PREX1: variants seen among roughly 807,000 people sequenced by gnomAD.
The protein encoded by PREX1 is phosphatidylinositol 3,4,5-trisphosphate-dependent Rac exchanger 1 protein.
A neutral mutation model predicts 198.3 loss-of-function variants in PREX1; 41 were observed. The ratio of observed to expected loss-of-function variants is 0.21; its 90% CI spans 0.16 to 0.27. PREX1 has a LOEUF of 0.27. Among genes scored for constraint, PREX1 ranks in the 10% least tolerant of loss-of-function variants. PREX1 has a pLI of 1.00. For missense variants in PREX1, 1,620 were observed against 2,200.7 expected (o/e 0.74, Z 5.28); for synonymous variants, 843 against 887.2 (o/e 0.95, Z 0.89).
chr20:48,714,702 T>G (rs1008252971), intron 5 of PREX1, among the ~76,000 whole-genome samples: 1 of 152,232 alleles, frequency 6.6e-6, no homozygotes, highest in Non-Finnish European at 1.5e-5. Context: ...AGTTGGGCAA[T>G]TCCCTTGAGA....
At chr20:48,847,684 T>C in the PREX1 span, among the ~76,000 whole-genome samples, 1 of 152,338 alleles carries the variant, frequency 6.6e-6, no homozygotes, top group East Asian at 1.9e-4. Flanking sequence ...AATGCACATG[T>C]CTGGAATATA....
At chr20:48,856,475 G>A in the PREX1 span, among the ~76,000 whole-genome samples, 1 of 152,158 alleles carries the variant, frequency 6.6e-6, no homozygotes, top group African/African-American at 2.4e-5. Flanking sequence ...CTCCTTCAAG[G>A]AATGGAAACA....
intron 9 of PREX1, among the ~76,000 whole-genome samples, 172 bp downstream of exon 9, chr20:48,690,775 A>C (rs2089814824): frequency 6.6e-6 from 1 of 152,130 alleles, no homozygotes; most frequent in Non-Finnish European, 1.5e-5. Context: ...TCTCTGAGGT[A>C]CCACCAAGTT....
intron 1 of PREX1, among the ~76,000 whole-genome samples, chr20:48,754,486 G>A (rs891091709): frequency 6.6e-6 from 1 of 152,098 alleles, no homozygotes; most frequent in Non-Finnish European, 1.5e-5. Flanking sequence ...CATGGCTGCT[G>A]TTGCCTGGGG....
chr20:48,826,959 GT>G (rs1265330720), intron 1 of PREX1, among the ~76,000 whole-genome samples: 4 of 152,360 alleles, frequency 2.6e-5, no homozygotes. Context: ...CATGTAAGGT[GT>G]CTGGCACATA....
chr20:48,693,668 A>G lies in PREX1; in HGVS notation c.918-878T>C, dbSNP rs189321916. Among the ~76,000 whole-genome samples, 697 of 152,246 alleles carry G rather than the reference A, an allele frequency of 4.6e-3. 6 individuals are homozygous for G. Among genetic ancestry groups the G allele is most frequent in the African/African-American group, 0.016 (677 of 41,540 alleles). ...GTCGCCCAGGCTGGAGTGCAGTGGC[A>G]TGATCTCAGCTCACTGCAACCTCCG... On this transcript the variant is annotated intron_variant, in intron 7 of 39. Coordinates refer to ENST00000371941, the MANE Select transcript of PREX1 (RefSeq NM_020820.4).
At chr20:48,631,144 C>G (rs765436725) in intron 35 of PREX1, among the ~76,000 whole-genome samples, 1 of 152,186 alleles carries the variant, frequency 6.6e-6, no homozygotes, top group Non-Finnish European at 1.5e-5. Context: ...GTTTACTGTT[C>G]GTCTCCCCCT....
chr20:48,757,250 C>T (rs2090159502), intron 1 of PREX1, among the ~76,000 whole-genome samples: 1 of 151,946 alleles, frequency 6.6e-6, no homozygotes, highest in Non-Finnish European at 1.5e-5. Context: ...CTGCCCTCCA[C>T]CTGCACTGAG....
chr20:48,653,069 C>T (rs955882881), intron 20 of PREX1, among the ~76,000 whole-genome samples: 5 of 152,198 alleles, frequency 3.3e-5, no homozygotes, highest in African/African-American at 4.8e-5. Context: ...CTTTCCCAAC[C>T]CACTTGACTA....
intron 1 of PREX1, among the ~76,000 whole-genome samples, chr20:48,791,393 G>A (rs552973823): frequency 4.6e-5 from 7 of 152,326 alleles, no homozygotes; most frequent in African/African-American, 1.4e-4. Context: ...ATTATTACCC[G>A]TTTCATAGCT....
At chr20:48,720,164 A>T (rs2089978929) in intron 5 of PREX1, among the ~76,000 whole-genome samples, 1 of 152,094 alleles carries the variant, frequency 6.6e-6, no homozygotes, top group Non-Finnish European at 1.5e-5. Context: ...TCTTTGCTCA[A>T]ATGTTTCCTT....
intron 1 of PREX1, among the ~76,000 whole-genome samples, chr20:48,796,094 T>C (rs1278218980): frequency 2.0e-5 from 3 of 152,168 alleles, no homozygotes; most frequent in African/African-American, 7.2e-5. Context: ...GCATTAATTT[T>C]CTACAAGAAG....
rs144218094 is a variant in PREX1 at position 48,653,408 on chromosome 20, C to T, written c.2299G>A (p.Val767Ile). 4.8e-4 allele frequency: 768 copies of T among 1,614,026 alleles called. No homozygotes were observed. The highest frequency in any genetic ancestry group is 6.0e-4 in the Non-Finnish European group (713 of 1,180,000). The part of the protein sequence containing the change: ...SNVMNDGAPE[V>I]LEHFQAFRSR... ...CGGAATGCCTGGAAGTGCTCCAGGA[C>T]CTCAGGGGCACCATCGTTCATCACG... The change falls in exon 20 of 40, where the codon GTC becomes ATC. Residue 767 changes from valine to isoleucine, a missense_variant. Physicochemically the swap from Val to Ile is conservative, Grantham distance 29. Coordinates refer to ENST00000371941, the MANE Select transcript of PREX1 (RefSeq NM_020820.4).
chr20:48,787,940 TCA>T (rs2090320717), intron 1 of PREX1, among the ~76,000 whole-genome samples: 1 of 152,106 alleles, frequency 6.6e-6, no homozygotes, highest in South Asian at 2.1e-4. Flanking sequence ...ATTAGGGAAG[TCA>T]CATATACACA....
Position 48,632,617 on chromosome 20 carries a change from A to G in PREX1, c.4290T>C (p.Ile1430=). ...CCTTCAGCGCCTGCCGGCTGCCCTC[A>G]ATGTGGTAGAAGACGTTGGTGTCTG... ...YVANTNVFYH[I]EGSRQALKVI... The change falls in exon 34 of 40, where the codon ATT becomes ATC. Residue 1430 remains isoleucine, a synonymous_variant. Transcript: ENST00000371941. 1 of 1,613,740 alleles carries G rather than the reference A, an allele frequency of 6.2e-7. No homozygotes were observed. The highest frequency in any genetic ancestry group is 8.5e-7 in the Non-Finnish European group (1 of 1,179,842).
At chr20:48,706,528 T>C (rs1269429432) in intron 6 of PREX1, among the ~76,000 whole-genome samples, 6 of 152,212 alleles carry the variant, frequency 3.9e-5, no homozygotes, top group Non-Finnish European at 7.4e-5. Context: ...ATGGGGCTTC[T>C]AGAAAAGGTT....
At chr20:48,801,227 G>C (rs2090385332) in intron 1 of PREX1, among the ~76,000 whole-genome samples, 1 of 152,200 alleles carries the variant, frequency 6.6e-6, no homozygotes, top group African/African-American at 2.4e-5. Context: ...GTGGTCTTTT[G>C]TGGAAACCAT....
the PREX1 span, among the ~76,000 whole-genome samples, chr20:48,853,947 G>C: frequency 1.3e-5 from 2 of 152,208 alleles, no homozygotes. Flanking sequence ...GGGTGAGCCA[G>C]ATGGGGCAAT....
In PREX1 at chr20:48,639,754, C is replaced by T. The variant is rs1318249268; in HGVS notation, c.3904+12G>A. On this transcript the variant is annotated intron_variant, in intron 30 of 39. Transcript: ENST00000371941. ...CCCTCCCCACCATGATGCACCCTCC[C>T]TGCCCACCGACCTTCCACATATCTC... The T allele has an allele frequency of 6.2e-7, 1 of 1,613,328 alleles. No individual in the cohort carries two copies.
Sources: gnomAD v4.1 joint callset for allele counts (sites outside exome capture counted in the v4.1 genomes callset) on GRCh38, gnomAD v4.1.1 for gene constraint, MANE v1.5 for transcripts, NCBI Gene and HGNC (gene_info 2026-07-23, HGNC 2026-07-21) for gene names.